The following SAXO1 variants were observed in gnomAD, a reference collection of about 807,000 sequenced individuals.
SAXO1 encodes the protein 4930500O09Rik.
In SAXO1, 21 loss-of-function variants were observed where a neutral mutation model predicts 17.5. The ratio of observed to expected loss-of-function variants is 1.20; its 90% CI spans 0.85 to 1.72. The LOEUF (loss-of-function observed/expected upper bound fraction) is 1.72. Among genes scored for constraint, SAXO1 ranks in the 40% most tolerant of loss-of-function variants. SAXO1 has a pLI of 0.00. For missense variants in SAXO1, 843 were observed against 596.0 expected (o/e 1.41, Z -4.32); for synonymous variants, 274 against 216.5 (o/e 1.27, Z -2.33).
At chr9:19,048,583 C>T (rs570814613) in intron 1 of SAXO1, among the ~76,000 whole-genome samples, 1 of 152,224 alleles carries the variant, frequency 6.6e-6, no homozygotes, top group African/African-American at 2.4e-5. Context: ...AGAGCAGAAT[C>T]ATATTATGCT....
intron 1 of SAXO1, among the ~76,000 whole-genome samples, chr9:18,982,151 C>T (rs1255172029): frequency 6.6e-6 from 1 of 152,190 alleles, no homozygotes; most frequent in African/African-American, 2.4e-5. Flanking sequence ...CTCCACCCAG[C>T]TCAGCCAAAA....
chr9:18,967,291 G>T (rs950051691), intron 1 of SAXO1, among the ~76,000 whole-genome samples: 7 of 152,228 alleles, frequency 4.6e-5, no homozygotes, highest in Admixed American at 3.9e-4. Context: ...GAGATCTGCT[G>T]CTCTCTTCAG....
intron 2 of SAXO1, among the ~76,000 whole-genome samples, chr9:18,944,183 C>T (rs1831698010): frequency 6.6e-6 from 1 of 151,526 alleles, no homozygotes; most frequent in African/African-American, 2.4e-5. Flanking sequence ...TCAGCCATAA[C>T]TAAGGCAAAT....
intron 1 of SAXO1, among the ~76,000 whole-genome samples, chr9:18,959,728 G>A (rs551300189): frequency 4.0e-5 from 6 of 150,734 alleles, no homozygotes; most frequent in African/African-American, 1.2e-4. Flanking sequence ...CCAAGACTGC[G>A]ACATTGCACT....
intron 2 of SAXO1, among the ~76,000 whole-genome samples, chr9:18,946,764 CATAATG>C (rs1452080633): frequency 3.3e-5 from 5 of 151,926 alleles, no homozygotes; most frequent in Non-Finnish European, 7.4e-5. Context: ...AAAGTAAGGC[CATAATG>C]AATTAAAGGA....
chr9:19,012,840 C>T (rs1265286693), intron 1 of SAXO1, among the ~76,000 whole-genome samples: 1 of 152,164 alleles, frequency 6.6e-6, no homozygotes, highest in Admixed American at 6.5e-5. Flanking sequence ...TCTGTATTAG[C>T]CAGGTTAATA....
At chr9:19,008,242 T>G (rs1834570918) in intron 1 of SAXO1, among the ~76,000 whole-genome samples, 1 of 152,186 alleles carries the variant, frequency 6.6e-6, no homozygotes, top group Non-Finnish European at 1.5e-5. Context: ...CCTCTCAAAG[T>G]GCTGGGATTA....
intron 1 of SAXO1, among the ~76,000 whole-genome samples, chr9:19,045,018 T>G (rs1390321543): frequency 1.3e-5 from 2 of 150,650 alleles, no homozygotes; most frequent in African/African-American, 4.9e-5. Context: ...CTCTTTAAGA[T>G]GCAATTAGAC....
chr9:18,974,875 G>C (rs573211795), intron 1 of SAXO1, among the ~76,000 whole-genome samples: 2 of 152,270 alleles, frequency 1.3e-5, no homozygotes, highest in Non-Finnish European at 2.9e-5. Context: ...AAGGCTGATA[G>C]GCAAAGTTTT....
At chr9:18,954,908 G>GAA (rs35168788) in intron 1 of SAXO1, among the ~76,000 whole-genome samples, 7 of 114,478 alleles carry the variant, frequency 6.1e-5, no homozygotes, top group East Asian at 4.8e-4. Flanking sequence ...ACACAGGTAA[G>GAA]AAAAAAAAGT....
intron 1 of SAXO1, chr9:19,027,864 G>A (rs923071848): frequency 8.8e-6 from 12 of 1,361,498 alleles, no homozygotes; most frequent in African/African-American, 7.1e-5. Flanking sequence ...GCCCTGCTAC[G>A]CTAGGGCGGC....
At chr9:19,028,160 G>A in intron 1 of SAXO1, 2 of 1,469,886 alleles carry the variant, frequency 1.4e-6, no homozygotes, top group South Asian at 1.2e-5. Context: ...CCCCGGACTC[G>A]CGGCTGAAGT....
intron 1 of SAXO1, among the ~76,000 whole-genome samples, chr9:19,023,613 TC>T (rs1439292242): frequency 6.6e-6 from 1 of 152,140 alleles, no homozygotes; most frequent in Non-Finnish European, 1.5e-5. Flanking sequence ...TAGTCAATCA[TC>T]ACTTAATCAT....
chr9:19,035,780 T>A (rs1323490457), upstream of SAXO1, among the ~76,000 whole-genome samples: 2 of 152,308 alleles, frequency 1.3e-5, no homozygotes, highest in East Asian at 3.9e-4. Flanking sequence ...AAGAGACTGG[T>A]GGCATTTTGC....
chr9:18,944,034 G>C (rs1474664699), intron 2 of SAXO1, among the ~76,000 whole-genome samples: 7 of 152,232 alleles, frequency 4.6e-5, no homozygotes, highest in African/African-American at 2.4e-5. Flanking sequence ...CCGGAAAAGA[G>C]CAGACAAAAG....
chr9:19,039,702 T>A (rs921966949), intron 1 of SAXO1, among the ~76,000 whole-genome samples: 4 of 152,228 alleles, frequency 2.6e-5, no homozygotes, highest in African/African-American at 9.6e-5. Flanking sequence ...CATTATGTTT[T>A]ATGTCTTTGA....
chr9:18,965,708 T>A lies in SAXO1; in HGVS notation c.39-14771A>T, dbSNP rs547624745. ...GTCTTGACTCTATCCAATTTGCCAG[T>A]CTGTGTCTTTTAATTGGAGCATTTA... is the stretch of plus-strand genomic sequence containing the variant. On this transcript the variant is annotated intron_variant, in intron 1 of 3. Coordinates refer to ENST00000380534, the MANE Select transcript of SAXO1 (RefSeq NM_153707.4). Among the ~76,000 whole-genome samples the A allele has an allele frequency of 3.9e-5, 6 of 152,302 alleles. No individual in the cohort carries two copies. In the East Asian group the frequency reaches 1.2e-3, roughly 29 times the overall value.
intron 1 of SAXO1, among the ~76,000 whole-genome samples, chr9:19,018,313 A>ATTC (rs1312751774): frequency 6.6e-6 from 1 of 152,206 alleles, no homozygotes; most frequent in Non-Finnish European, 1.5e-5. Flanking sequence ...TCATTTCTAG[A>ATTC]TAGAGCAGTG....
intron 1 of SAXO1, among the ~76,000 whole-genome samples, chr9:18,959,595 A>T (rs1409665821): frequency 3.9e-5 from 6 of 152,088 alleles, no homozygotes; most frequent in African/African-American, 1.2e-4. Flanking sequence ...ATATGGTGAA[A>T]CCCCATCTCT....
Sources: allele counts gnomAD v4.1 joint callset (sites outside exome capture counted in the v4.1 genomes callset), GRCh38; gene constraint gnomAD v4.1.1; transcripts MANE v1.5; gene names NCBI Gene and HGNC (gene_info 2026-07-23, HGNC 2026-07-21).